The following CNTNAP4 variants were observed in gnomAD, a reference collection of about 807,000 sequenced individuals.
CNTNAP4 encodes contactin associated protein family member 4, also known as contactin-associated protein-like 4.
Under a neutral mutation model 148.4 loss-of-function variants are expected in CNTNAP4, and 98 were observed. That is an observed-to-expected ratio of 0.66 (90% CI 0.56 to 0.78). The LOEUF is 0.78. Ranked by LOEUF, CNTNAP4 falls within the 30% of genes least tolerant of loss-of-function variation. The pLI is 0.00. For missense variants in CNTNAP4, 1,935 were observed against 1,565.6 expected (o/e 1.24, Z -3.98); for synonymous variants, 730 against 565.1 (o/e 1.29, Z -4.14).
intron 12 of CNTNAP4, among the ~76,000 whole-genome samples, chr16:76,487,136 T>C (rs2082056078): frequency 6.6e-6 from 1 of 152,218 alleles, no homozygotes; most frequent in East Asian, 1.9e-4. Flanking sequence ...TTCTATTAGT[T>C]ATCTACAATG....
At chr16:76,520,462 G>C (rs961407080) in intron 15 of CNTNAP4, among the ~76,000 whole-genome samples, 1 of 151,994 alleles carries the variant, frequency 6.6e-6, no homozygotes, top group Non-Finnish European at 1.5e-5. Flanking sequence ...TGCCCATTTT[G>C]AACATTTGTA....
At chr16:76,338,452 C>T (rs1964198303) in intron 2 of CNTNAP4, among the ~76,000 whole-genome samples, 1 of 152,090 alleles carries the variant, frequency 6.6e-6, no homozygotes, top group African/African-American at 2.4e-5. Context: ...CATTGGTTTG[C>T]CCTCATGTCA....
At chr16:76,286,311 G>C (rs1958883381) in intron 1 of CNTNAP4, among the ~76,000 whole-genome samples, 2 of 151,766 alleles carry the variant, frequency 1.3e-5, no homozygotes, top group Admixed American at 6.6e-5. Context: ...GAATTAAATA[G>C]TGATGGGATG....
intron 21 of CNTNAP4, among the ~76,000 whole-genome samples, chr16:76,542,820 A>G (rs1259481243): frequency 6.6e-6 from 1 of 152,194 alleles, no homozygotes; most frequent in Admixed American, 6.5e-5. Context: ...GATACCATTA[A>G]TGAGTGGAAT....
At chr16:76,428,280 A>G (rs78115755) in intron 4 of CNTNAP4, among the ~76,000 whole-genome samples, 254 of 152,248 alleles carry the variant, frequency 1.7e-3, no homozygotes, top group African/African-American at 5.9e-3. Context: ...CACTTTTATT[A>G]TAGAACAGTG....
intron 3 of CNTNAP4, among the ~76,000 whole-genome samples, chr16:76,416,604 A>G (rs375621874): frequency 1.2e-4 from 18 of 151,616 alleles, no homozygotes; most frequent in Middle Eastern, 3.4e-3. Flanking sequence ...CTGAGAGCAT[A>G]CATTGTATGA....
chr16:76,496,085 TTGTGTG>T (rs5817999), intron 14 of CNTNAP4, among the ~76,000 whole-genome samples: 5 of 140,034 alleles, frequency 3.6e-5, no homozygotes, highest in African/African-American at 1.3e-4. Flanking sequence ...CAAGATTATG[TTGTGTG>T]TGTGTGTGTG....
At chr16:76,395,590 A>C (rs2078174692) in intron 3 of CNTNAP4, among the ~76,000 whole-genome samples, 2 of 151,986 alleles carry the variant, frequency 1.3e-5, no homozygotes, top group Non-Finnish European at 1.5e-5. Flanking sequence ...GGGTGTAATA[A>C]ATTATTTTAT....
chr16:76,521,112 T>C, intron 15 of CNTNAP4, 28 bp from the exon 16 acceptor site: 8 of 1,422,750 alleles, frequency 5.6e-6, no homozygotes, highest in Non-Finnish European at 7.3e-6. Flanking sequence ...TTCTGAATTT[T>C]TTTTTCTTTT....
Position 76,494,984 on chromosome 16 carries a change from C to G in CNTNAP4, c.2155C>G (p.Leu719Val), listed in dbSNP as rs1405861990. The stretch of plus-strand genomic sequence containing the variant: ...CTACTGGGGAGGTTCTTCGCCTGAT[C>G]TTCAAAAATGTACTTGTGGATTAGA... ...QTYWGGSSPD[L>V]QKCTCGLEGN... Residue 719 changes from leucine (L) to valine (V), a missense_variant, in exon 14 of 24, where the codon CTT becomes GTT. Leu to Val is a conservative substitution (Grantham distance 32). Coordinates refer to ENST00000611870, the MANE Select transcript of CNTNAP4 (RefSeq NM_033401.5). 6.2e-7 allele frequency: 1 copy of G among 1,613,612 alleles called. No individual in the cohort carries two copies. The highest frequency in any genetic ancestry group is 1.7e-5 in the Admixed American group (1 of 59,994).
intron 7 of CNTNAP4, 99 bp from the exon 8 acceptor site, chr16:76,452,409 A>G (rs1184872694): frequency 2.5e-6 from 3 of 1,220,932 alleles, no homozygotes; most frequent in Non-Finnish European, 3.5e-6. Flanking sequence ...AGTTGTTTTA[A>G]ATCGCGGATA....
intron 3 of CNTNAP4, among the ~76,000 whole-genome samples, chr16:76,370,294 A>G (rs1204759459): frequency 6.6e-6 from 1 of 152,002 alleles, no homozygotes; most frequent in African/African-American, 2.4e-5. Context: ...TGACAGAAAA[A>G]AAAAAATCCT....
intron 4 of CNTNAP4, among the ~76,000 whole-genome samples, chr16:76,434,749 G>T (rs2079752251): frequency 6.6e-6 from 1 of 152,144 alleles, no homozygotes; most frequent in South Asian, 2.1e-4. Flanking sequence ...CAACCTCCCA[G>T]CCAGGAAGCC....
chr16:76,318,437 T>C (rs1192488165), intron 2 of CNTNAP4, among the ~76,000 whole-genome samples: 3 of 152,150 alleles, frequency 2.0e-5, no homozygotes, highest in African/African-American at 7.2e-5. Flanking sequence ...CTATGGCTCT[T>C]GGTAAAACAC....
chr16:76,327,443 T>G (rs1388957428), intron 2 of CNTNAP4, among the ~76,000 whole-genome samples: 1 of 152,208 alleles, frequency 6.6e-6, no homozygotes, highest in South Asian at 2.1e-4. Flanking sequence ...TTTTCTTTAT[T>G]CAGTCCATCA....
chr16:76,379,683 C>A (rs1270559711), intron 3 of CNTNAP4, among the ~76,000 whole-genome samples: 1 of 152,198 alleles, frequency 6.6e-6, no homozygotes, highest in Non-Finnish European at 1.5e-5. Context: ...GTGACACTAT[C>A]TTTTGAGTGA....
chr16:76,440,880 C>T (rs1246228546), intron 4 of CNTNAP4, among the ~76,000 whole-genome samples: 1 of 152,034 alleles, frequency 6.6e-6, no homozygotes, highest in Non-Finnish European at 1.5e-5. Context: ...GACAACCCCT[C>T]AAAATTTGAG....
intron 15 of CNTNAP4, among the ~76,000 whole-genome samples, chr16:76,516,938 C>T (rs1440574953): frequency 2.6e-5 from 4 of 152,104 alleles, no homozygotes; most frequent in African/African-American, 9.7e-5. Context: ...GTGGTGTGCA[C>T]CTGTAATCCC....
In CNTNAP4 at chr16:76,467,539, C is replaced by T. The variant is rs745741087; in HGVS notation, c.1655+16C>T. 8 of 1,572,376 alleles carry T rather than the reference C, an allele frequency of 5.1e-6. No individual in the cohort carries two copies. Among genetic ancestry groups the T allele is most frequent in the Non-Finnish European group, 6.9e-6 (8 of 1,161,606 alleles). On this transcript the variant is annotated intron_variant, in intron 10 of 23. Transcript: ENST00000611870. Reference sequence around the variant, plus strand: ...TCTCAGACAGGTAAGGGCAATCTCACTTCATTTTGACCTGCTTTCAAACTT... The same window carrying T: ...TCTCAGACAGGTAAGGGCAATCTCATTTCATTTTGACCTGCTTTCAAACTT...
Sources: gnomAD v4.1 joint callset for allele counts (sites outside exome capture counted in the v4.1 genomes callset) on GRCh38, gnomAD v4.1.1 for gene constraint, MANE v1.5 for transcripts, NCBI Gene and HGNC (gene_info 2026-07-23, HGNC 2026-07-21) for gene names.